Variants in EPB41L4A observed in about 807,000 individuals in gnomAD.
EPB41L4A encodes band 4.1-like protein 4A.
A neutral mutation model predicts 108.6 loss-of-function variants in EPB41L4A; 100 were observed. The ratio of observed to expected loss-of-function variants is 0.92; its 90% CI spans 0.78 to 1.09. The LOEUF (loss-of-function observed/expected upper bound fraction) is 1.09, where lower values mean the gene tolerates loss of function less well. Ranked by LOEUF, EPB41L4A falls within the 50% of genes least tolerant of loss-of-function variation. The pLI, the probability that EPB41L4A is intolerant of heterozygous loss-of-function variation, is 0.00. For missense variants in EPB41L4A, 1,030 were observed against 842.7 expected (o/e 1.22, Z -2.75); for synonymous variants, 319 against 289.0 (o/e 1.10, Z -1.05).
intron 12 of EPB41L4A, among the ~76,000 whole-genome samples, chr5:112,212,467 A>T (rs528743035): frequency 2.0e-4 from 30 of 151,880 alleles, no homozygotes; most frequent in African/African-American, 7.2e-4. Flanking sequence ...TAATTTTTTT[A>T]TAATTTTAGT....
chr5:112,351,443 A>G (rs1026050445), intron 1 of EPB41L4A, among the ~76,000 whole-genome samples: 5 of 152,218 alleles, frequency 3.3e-5, no homozygotes, highest in African/African-American at 1.2e-4. Context: ...TGAACAGACT[A>G]ATAACAAGTA....
chr5:112,389,981 T>C (rs1397582593), intron 1 of EPB41L4A, among the ~76,000 whole-genome samples: 1 of 152,154 alleles, frequency 6.6e-6, no homozygotes, highest in African/African-American at 2.4e-5. Flanking sequence ...AATGCCAAAC[T>C]TCCAAAAACT....
intron 4 of EPB41L4A, among the ~76,000 whole-genome samples, chr5:112,272,816 G>A (rs184034207): frequency 8.3e-4 from 124 of 149,574 alleles, no homozygotes; most frequent in African/African-American, 2.2e-3. Flanking sequence ...GTTAGATGGC[G>A]AAAGAGGCCA....
At chr5:112,167,592 G>T (rs908270192) in intron 22 of EPB41L4A, among the ~76,000 whole-genome samples, 3 of 152,110 alleles carry the variant, frequency 2.0e-5, no homozygotes, top group Non-Finnish European at 4.4e-5. Flanking sequence ...CTTCTATGGG[G>T]TGAGTGTGAA....
intron 9 of EPB41L4A, among the ~76,000 whole-genome samples, chr5:112,246,880 A>G (rs1033332772): frequency 6.6e-6 from 1 of 152,102 alleles, no homozygotes; most frequent in Admixed American, 6.6e-5. Context: ...CTCAACTCCC[A>G]TCTTTTGCCC....
chr5:112,231,941 C>CA (rs1206643638), intron 12 of EPB41L4A, among the ~76,000 whole-genome samples: 1 of 151,066 alleles, frequency 6.6e-6, no homozygotes, highest in East Asian at 1.9e-4. Context: ...CCCATCTCTA[C>CA]AAAAAATAAA....
intron 12 of EPB41L4A, among the ~76,000 whole-genome samples, chr5:112,226,182 A>G (rs1236459700): frequency 6.6e-6 from 1 of 152,194 alleles, no homozygotes; most frequent in African/African-American, 2.4e-5. Context: ...ATATTACTTT[A>G]TTAGGCCAGT....
At chr5:112,243,858 G>A (rs557525651) in intron 9 of EPB41L4A, among the ~76,000 whole-genome samples, 2 of 152,320 alleles carry the variant, frequency 1.3e-5, no homozygotes, top group South Asian at 4.2e-4. Context: ...AAATGCTGCA[G>A]CTTGTTGGAT....
At chr5:112,377,163 C>T (rs1759872289) in intron 1 of EPB41L4A, among the ~76,000 whole-genome samples, 1 of 151,104 alleles carries the variant, frequency 6.6e-6, no homozygotes. Flanking sequence ...CATGATCATG[C>T]CACTGTACTT....
intron 15 of EPB41L4A, among the ~76,000 whole-genome samples, chr5:112,203,376 CA>C (rs1269688794): frequency 6.6e-5 from 10 of 152,002 alleles, no homozygotes; most frequent in African/African-American, 2.2e-4. Context: ...ACAAAAACCA[CA>C]AAAACCAAAA....
At chr5:112,198,777 C>T (rs1370405191) in intron 15 of EPB41L4A, among the ~76,000 whole-genome samples, 2 of 151,982 alleles carry the variant, frequency 1.3e-5, no homozygotes, top group South Asian at 2.1e-4. Context: ...TAATTTTAAG[C>T]CTAATAACTC....
chr5:112,322,014 TA>T (rs1263825960), intron 1 of EPB41L4A, among the ~76,000 whole-genome samples: 7 of 152,208 alleles, frequency 4.6e-5, no homozygotes, highest in African/African-American at 1.7e-4. Flanking sequence ...ACATAAGTCA[TA>T]ATCAGATAAA....
At chr5:112,388,658 A>G (rs1282437924) in intron 1 of EPB41L4A, among the ~76,000 whole-genome samples, 10 of 152,138 alleles carry the variant, frequency 6.6e-5, no homozygotes, top group African/African-American at 1.4e-4. Context: ...CTGTGCCCCA[A>G]CTTTGCAGTG....
chr5:112,263,294 A>G (rs1326208799), intron 6 of EPB41L4A: 1 of 152,196 alleles, frequency 6.6e-6, no homozygotes, highest in African/African-American at 2.4e-5. Flanking sequence ...TAGATAACCA[A>G]AGGAGGTCAA....
At chr5:112,249,126 C>T (rs992998381) in intron 9 of EPB41L4A, 2 of 152,086 alleles carry the variant, frequency 1.3e-5, no homozygotes, top group East Asian at 3.9e-4. Flanking sequence ...TATATAAGTA[C>T]CTGAAAGTCT....
At chr5:112,276,148 A>G (rs753554340) in intron 3 of EPB41L4A, among the ~76,000 whole-genome samples, 1 of 152,240 alleles carries the variant, frequency 6.6e-6, no homozygotes, top group Non-Finnish European at 1.5e-5. Flanking sequence ...GTGAGGCTAC[A>G]TAATAAAATT....
chr5:112,165,064 T>C lies in EPB41L4A; in HGVS notation c.1987A>G (p.Asn663Asp), dbSNP rs1760155084. ...GCTGTGTGTTTTCCAGCCAGGTTGT[T>C]TGTAGATGTCTGAGGTTTTTCTTCC... The part of the protein sequence containing the change: ...LMEEKPQTST[N>D]NLAGKHTAKT... Residue 663 changes from asparagine to aspartate, a missense_variant, in exon 23 of 23, where the codon AAC becomes GAC. Coordinates refer to ENST00000261486, the MANE Select transcript of EPB41L4A (RefSeq NM_022140.5). 3 of 1,613,790 alleles carry C rather than the reference T, an allele frequency of 1.9e-6. No individual in the cohort carries two copies. The highest frequency in any genetic ancestry group is 1.3e-5 in the African/African-American group (1 of 74,884).
chr5:112,230,039 G>A (rs1027927869), intron 12 of EPB41L4A, among the ~76,000 whole-genome samples: 3 of 150,288 alleles, frequency 2.0e-5, no homozygotes, highest in Middle Eastern at 3.5e-3. Flanking sequence ...AGGTTGCCAC[G>A]AATGCCATTA....
chr5:112,360,476 T>C (rs570011147), intron 1 of EPB41L4A, among the ~76,000 whole-genome samples: 2 of 152,296 alleles, frequency 1.3e-5, no homozygotes, highest in East Asian at 1.9e-4. Context: ...GGTTTCGCCA[T>C]GTTGGCCGGG....
Sources: gnomAD v4.1 joint callset for allele counts (sites outside exome capture counted in the v4.1 genomes callset) on GRCh38, gnomAD v4.1.1 for gene constraint, MANE v1.5 for transcripts, NCBI Gene and HGNC (gene_info 2026-07-23, HGNC 2026-07-21) for gene names.